Variants in RICTOR observed in about 807,000 individuals in gnomAD.
RICTOR encodes rapamycin-insensitive companion of mTOR.
In RICTOR, 49 loss-of-function variants were observed where a neutral mutation model predicts 214.9. That is an observed-to-expected ratio of 0.23 (90% confidence interval 0.18 to 0.29). The LOEUF (loss-of-function observed/expected upper bound fraction) is 0.29. Among genes scored for constraint, RICTOR ranks in the 10% least tolerant of loss-of-function variants. The probability of loss-of-function intolerance (pLI) is 1.00; values close to 1 mark genes in which losing one functional copy is unlikely to be tolerated. For missense variants in RICTOR, 1,625 were observed against 2,047.0 expected, an observed-to-expected ratio of 0.79 and a Z score of 3.98; for synonymous variants, 717 against 711.3, an observed-to-expected ratio of 1.01 and a Z score of -0.13.
rs745983580 is a variant in RICTOR, at chr5:38,991,060, C to A, written c.472G>T (p.Ala158Ser). The A allele has an allele frequency of 1.3e-6, 2 of 1,592,092 alleles. No individual in the cohort carries two copies. The highest frequency in any genetic ancestry group is 2.3e-5 in the East Asian group (1 of 43,586). The part of the protein sequence containing the change: ...RLVRKMITVN[A>S]SLFPSSVTNS... ...GTCACAGAACTAGGAAACAAGGAAG[C>A]ATTCACAGTAATCATCTGTAACAGA... The change falls in exon 7 of 38, where the codon GCT becomes TCT. Residue 158 changes from alanine to serine, a missense_variant. Transcript: ENST00000357387.
At chr5:38,991,262 T>G (rs966365929) in intron 6 of RICTOR, among the ~76,000 whole-genome samples, 187 bp from the exon 7 acceptor site, 1 of 152,188 alleles carries the variant, frequency 6.6e-6, no homozygotes, top group African/African-American at 2.4e-5. Context: ...CAAATGTTAA[T>G]AGCCATTACT....
chr5:38,961,792 T>C (rs916406364), intron 19 of RICTOR, among the ~76,000 whole-genome samples: 1 of 152,138 alleles, frequency 6.6e-6, no homozygotes, highest in Non-Finnish European at 1.5e-5. Context: ...CTTTCTGAGA[T>C]CAGTAGTAAT....
At chr5:39,068,780 C>A (rs1268921356) in intron 2 of RICTOR, among the ~76,000 whole-genome samples, 1 of 152,110 alleles carries the variant, frequency 6.6e-6, no homozygotes. Flanking sequence ...AGCAATACAA[C>A]AAAGAGGATA....
At chr5:39,041,133 CAGTA>C (rs1227531056) in intron 2 of RICTOR, among the ~76,000 whole-genome samples, 2 of 152,132 alleles carry the variant, frequency 1.3e-5, no homozygotes, top group East Asian at 1.9e-4. Context: ...CTGAGCAAGA[CAGTA>C]AGTGACACAA....
At chr5:38,993,920 C>T (rs867352963) in intron 6 of RICTOR, among the ~76,000 whole-genome samples, 38 of 152,164 alleles carry the variant, frequency 2.5e-4, no homozygotes, top group African/African-American at 7.0e-4. Context: ...CGGTGGCTCA[C>T]GCCTGTAATC....
chr5:38,970,464 C>T (rs185329768), intron 11 of RICTOR: 2 of 152,288 alleles, frequency 1.3e-5, no homozygotes, highest in Admixed American at 6.5e-5. Context: ...CTTTTTCCAC[C>T]TATTACAGTA....
intron 24 of RICTOR, among the ~76,000 whole-genome samples, chr5:38,958,012 TG>T (rs1323743397): frequency 1.3e-5 from 2 of 151,742 alleles, no homozygotes; most frequent in African/African-American, 4.8e-5. Context: ...CCAAGGTGAG[TG>T]GATCACCTGG....
chr5:39,046,796 G>A (rs1444230640), intron 2 of RICTOR, among the ~76,000 whole-genome samples: 1 of 152,042 alleles, frequency 6.6e-6, no homozygotes, highest in Non-Finnish European at 1.5e-5. Flanking sequence ...TGAGTTAAAT[G>A]AAGGTTGCCA....
intron 3 of RICTOR, among the ~76,000 whole-genome samples, chr5:39,006,463 T>C (rs1038081668): frequency 6.6e-6 from 1 of 152,030 alleles, no homozygotes; most frequent in East Asian, 1.9e-4. Flanking sequence ...TATTTAACAC[T>C]GAAGACCAAG....
chr5:39,042,108 G>GC (rs1757216913), intron 2 of RICTOR, among the ~76,000 whole-genome samples: 2 of 151,984 alleles, frequency 1.3e-5, no homozygotes, highest in South Asian at 4.1e-4. Flanking sequence ...ACAGTAATCT[G>GC]CATTTATAGG....
At chr5:38,955,004 A>G (rs1749135029) in intron 26 of RICTOR, 143 bp from the exon 27 acceptor site, 2 of 471,328 alleles carry the variant, frequency 4.2e-6, no homozygotes, top group South Asian at 7.0e-5. Flanking sequence ...ACAAGGAATG[A>G]GGATTTCTCA....
At chr5:38,989,087 G>T (rs886072741) in intron 7 of RICTOR, among the ~76,000 whole-genome samples, 2 of 152,138 alleles carry the variant, frequency 1.3e-5, no homozygotes, top group Non-Finnish European at 2.9e-5. Context: ...AAAGCTGGAG[G>T]CATCATGCTA....
chr5:38,967,590 C>T (rs1426075520), intron 12 of RICTOR, among the ~76,000 whole-genome samples, 163 bp from the exon 13 acceptor site: 2 of 152,136 alleles, frequency 1.3e-5, no homozygotes, highest in Admixed American at 6.5e-5. Context: ...TGTAAATACA[C>T]GCAGATCTAA....
intron 2 of RICTOR, among the ~76,000 whole-genome samples, chr5:39,062,533 G>C (rs72734723): frequency 1.6e-3 from 238 of 152,006 alleles, no homozygotes; most frequent in Non-Finnish European, 3.0e-3. Flanking sequence ...TATTATATGA[G>C]GGTCAAACAC....
At chr5:39,020,462 C>CA (rs888119278) in intron 3 of RICTOR, among the ~76,000 whole-genome samples, 24 of 151,944 alleles carry the variant, frequency 1.6e-4, no homozygotes, top group African/African-American at 3.4e-4. Context: ...CCTCTACCAA[C>CA]AAAAAAAACC....
chr5:38,990,329 C>T (rs1033565752), intron 7 of RICTOR, among the ~76,000 whole-genome samples: 1 of 151,214 alleles, frequency 6.6e-6, no homozygotes, highest in Non-Finnish European at 1.5e-5. Context: ...ACATCACACA[C>T]CGGGGCCTAT....
In RICTOR at chr5:38,991,001, A is replaced by T. The variant is rs370720122; in HGVS notation, c.531T>A (p.Leu177=). The T allele has an allele frequency of 1.0e-5, 16 of 1,607,714 alleles. No homozygotes were observed. The African/African-American group carries it at 1.6e-4, about 16-fold the overall frequency. The change falls in exon 7 of 38, where the codon CTT becomes CTA. Residue 177 remains leucine, a synonymous_variant. Transcript: ENST00000357387. ...CTCGGACCATTCTGTCTCTTTCTTG[A>T]AGTCCATCATTTCCAACTGCAATTA... ...NSLIAVGNDG[L]QERDRMVRAC...
intron 2 of RICTOR, among the ~76,000 whole-genome samples, chr5:39,062,348 T>A (rs977864993): frequency 6.6e-6 from 1 of 152,092 alleles, no homozygotes; most frequent in African/African-American, 2.4e-5. Context: ...CTCACCTACC[T>A]CAAAATGTGT....
At chr5:38,956,541 C>A (rs1749281227) in intron 25 of RICTOR, among the ~76,000 whole-genome samples, 1 of 152,046 alleles carries the variant, frequency 6.6e-6, no homozygotes, top group Non-Finnish European at 1.5e-5. Context: ...GGATACCCTT[C>A]TTCTAATTTA....
Sources: allele counts gnomAD v4.1 joint callset (sites outside exome capture counted in the v4.1 genomes callset), GRCh38; gene constraint gnomAD v4.1.1; transcripts MANE v1.5; gene names NCBI Gene and HGNC (gene_info 2026-07-23, HGNC 2026-07-21).